GEMIN2: variants seen among roughly 807,000 people sequenced by gnomAD.
GEMIN2 encodes gem-associated protein 2.
GEMIN2 carries 37 observed loss-of-function variants against 45.8 expected under a neutral mutation model. The observed-to-expected ratio is 0.81, with a 90% CI of 0.62 to 1.06. The LOEUF (loss-of-function observed/expected upper bound fraction) is 1.06. Among genes scored for constraint, GEMIN2 ranks in the 50% least tolerant of loss-of-function variants. The pLI is 0.00. For synonymous variants in GEMIN2, 101 were observed against 111.5 expected (o/e 0.91, Z 0.60); for missense variants, 335 against 321.8 (o/e 1.04, Z -0.31).
intron 4 of GEMIN2, 72 bp downstream of exon 4, chr14:39,118,671 G>C (rs929488745): frequency 2.9e-6 from 2 of 685,286 alleles, no homozygotes. Context: ...ACTTCCAGTC[G>C]TTAAAGATTC....
chr14:39,136,082 G>C (rs2052778038), intron 9 of GEMIN2, among the ~76,000 whole-genome samples: 1 of 152,112 alleles, frequency 6.6e-6, no homozygotes, highest in Non-Finnish European at 1.5e-5. Context: ...GACAGAGTGA[G>C]ACCTTGTCTC....
rs1426490544 is a variant in GEMIN2 at position 39,136,629 on chromosome 14, C to T, written c.*150C>T. ...AACCTGTGCAATTCAGATTGATACT[C>T]AGAATATGGGTTGATTTGAATATCT... is the stretch of plus-strand genomic sequence containing the variant. On this transcript the variant is annotated 3_prime_UTR_variant, in exon 10 of 10. Coordinates refer to ENST00000308317, the MANE Select transcript of GEMIN2 (RefSeq NM_003616.3). 1.3e-5 allele frequency: 8 copies of T among 618,774 alleles called. No individual in the cohort carries two copies. The highest frequency in any genetic ancestry group is 2.0e-5 in the Non-Finnish European group (7 of 350,096). The allele number at this position is 618,774 out of a possible 1,614,324, so 38.3% of individuals were successfully genotyped here. A position where few individuals can be genotyped will look rare whatever the true frequency, so the allele number is the denominator to read the frequency against.
intron 4 of GEMIN2, among the ~76,000 whole-genome samples, chr14:39,120,010 T>G (rs1007872078): frequency 2.0e-5 from 3 of 152,122 alleles, no homozygotes. Flanking sequence ...GGTAGGTAAA[T>G]ATATTTTTTT....
Position 39,128,334 on chromosome 14 carries a change from T to C in GEMIN2, c.586T>C (p.Phe196Leu). 4 of 1,563,350 alleles carry C rather than the reference T, an allele frequency of 2.6e-6. No individual in the cohort carries two copies. Among genetic ancestry groups the C allele is most frequent in the Non-Finnish European group, 3.5e-6 (4 of 1,139,982 alleles). Residue 196 changes from phenylalanine to leucine, a missense_variant, in exon 7 of 10, where the codon TTT becomes CTT. Coordinates refer to ENST00000308317, the MANE Select transcript of GEMIN2 (RefSeq NM_003616.3). ...GAGTAATTGGTTTGGAGAAAGAGAC[T>C]TTACTCCAGAATTGGTAGTATTGCA... ...YLSNWFGERD[F>L]TPELGRWLYA...
In GEMIN2 at chr14:39,117,538, C is replaced by A. The variant is rs145229249; in HGVS notation, c.223-461C>A. On this transcript the variant is annotated intron_variant, in intron 2 of 9. Transcript: ENST00000308317. ...TTTCTTTTGGGAACATTCAAATCTT[C>A]TAGCTGTTTTGAAATATACAATAAA... Among the ~76,000 whole-genome samples the A allele has an allele frequency of 4.0e-3, 606 of 152,230 alleles. 4 individuals carry two copies. Among genetic ancestry groups the A allele is most frequent in the African/African-American group, 0.013 (523 of 41,556 alleles).
In GEMIN2 at chr14:39,128,277, T is replaced by C. The variant is rs1566535196; in HGVS notation, c.532-3T>C. ...CTTCTCCACCCCCTCTTTTTTTTTT[T>C]AGGCAACAGTAACTAGTGTCTTGGA... On this transcript the variant is annotated splice_region_variant and splice_polypyrimidine_tract_variant and intron_variant, in intron 6 of 9. Transcript: ENST00000308317. The C allele has an allele frequency of 6.6e-7, 1 of 1,517,406 alleles. No individual in the cohort carries two copies. The highest frequency in any genetic ancestry group is 1.2e-5 in the South Asian group (1 of 85,544). The allele number at this position is 1,517,406 out of a possible 1,614,324, so 94.0% of individuals were successfully genotyped here.
rs1018770550 is a variant in GEMIN2 at position 39,132,155 on chromosome 14, A to G, written c.711+87A>G. 3.2e-5 allele frequency: 23 copies of G among 719,896 alleles called. No individual in the cohort carries two copies. The African/African-American group carries it at 3.7e-4, about 12-fold the overall frequency. 44.6% of individuals were successfully genotyped at this position (719,896 alleles called of 1,614,324 possible). A position where few individuals can be genotyped will look rare whatever the true frequency, so the allele number is the denominator to read the frequency against. ...GGAGTTCAGTGAAATAGGAAAACACATGGAATATTTTATTGGTGGCAATTA... is the reference window on the plus strand; with the variant it reads ...GGAGTTCAGTGAAATAGGAAAACACGTGGAATATTTTATTGGTGGCAATTA... On this transcript the variant is annotated intron_variant, in intron 8 of 9. Transcript: ENST00000308317.
chr14:39,126,338 C>T (rs1206126640), intron 6 of GEMIN2, among the ~76,000 whole-genome samples: 2 of 151,986 alleles, frequency 1.3e-5, no homozygotes, highest in East Asian at 3.9e-4. Context: ...GCTACCATGC[C>T]TGGCTAATTT....
chr14:39,118,361 T>C (rs1482081921), intron 3 of GEMIN2, among the ~76,000 whole-genome samples, 179 bp from the exon 4 acceptor site: 1 of 152,218 alleles, frequency 6.6e-6, no homozygotes. Context: ...TTCTGAGATT[T>C]TGGTGCACTT....
chr14:39,135,586 C>CA (rs1328044265), intron 9 of GEMIN2, among the ~76,000 whole-genome samples: 148 of 121,824 alleles, frequency 1.2e-3, no homozygotes, highest in African/African-American at 3.7e-3. Context: ...AACTCCATCT[C>CA]AAAAAAAAAA....
chr14:39,124,896 C>G, intron 5 of GEMIN2, 96 bp from the exon 6 acceptor site: 1 of 666,586 alleles, frequency 1.5e-6, no homozygotes, highest in South Asian at 1.9e-5. Flanking sequence ...TTCTTTGTTT[C>G]TAAACAACAG....
At chr14:39,122,399 G>C in intron 4 of GEMIN2, 31 bp from the exon 5 acceptor site, 1 of 1,095,144 alleles carries the variant, frequency 9.1e-7, no homozygotes, top group Non-Finnish European at 1.4e-6. Flanking sequence ...TAATACACAG[G>C]AATAAATCAG....
At chr14:39,125,200 T>C (rs952900008) in intron 6 of GEMIN2, among the ~76,000 whole-genome samples, 164 bp downstream of exon 6, 3 of 152,216 alleles carry the variant, frequency 2.0e-5, no homozygotes, top group Non-Finnish European at 4.4e-5. Flanking sequence ...TGGAGAGTTA[T>C]TATTGATAAC....
chr14:39,128,414 C>A (rs1007685420), intron 7 of GEMIN2, 66 bp downstream of exon 7: 2 of 787,108 alleles, frequency 2.5e-6, no homozygotes, highest in African/African-American at 1.7e-5. Context: ...CAACTGTGGG[C>A]CACATATACA....
chr14:39,122,425 T>C lies in GEMIN2; in HGVS notation c.373-5T>C. 2 of 1,465,016 alleles carry C rather than the reference T, an allele frequency of 1.4e-6. No homozygotes were observed. The highest frequency in any genetic ancestry group is 1.9e-6 in the Non-Finnish European group (2 of 1,057,534). 90.8% of individuals were successfully genotyped at this position (1,465,016 alleles called of 1,614,324 possible). On this transcript the variant is annotated splice_region_variant and splice_polypyrimidine_tract_variant and intron_variant, in intron 4 of 9. Coordinates refer to ENST00000308317, the MANE Select transcript of GEMIN2 (RefSeq NM_003616.3). ...AATAAATCAGTTTTTTTTTTTTTCTTTTAGCCAAAATCTGAAGATGAAGAA... is the reference window on the plus strand; with the variant it reads ...AATAAATCAGTTTTTTTTTTTTTCTCTTAGCCAAAATCTGAAGATGAAGAA...
chr14:39,124,898 AAAC>A, intron 5 of GEMIN2, 91 bp from the exon 6 acceptor site: 1 of 683,822 alleles, frequency 1.5e-6, no homozygotes, highest in Non-Finnish European at 2.6e-6. Context: ...CTTTGTTTCT[AAAC>A]AACAGTGTGG....
At chr14:39,133,515 T>G in intron 8 of GEMIN2, 146 bp from the exon 9 acceptor site, 1 of 412,248 alleles carries the variant, frequency 2.4e-6, no homozygotes, top group Non-Finnish European at 4.3e-6. Flanking sequence ...AGTTCTCTGC[T>G]TTTTCTTTGA....
chr14:39,136,445 TTGACCA>T lies in GEMIN2; in HGVS notation c.777_782del (p.Phe259_Gln261delinsLeu). 1 of 1,551,812 alleles carries T rather than the reference TTGACCA, an allele frequency of 6.4e-7. No individual in the cohort carries two copies. The highest frequency in any genetic ancestry group is 8.9e-7 in the Non-Finnish European group (1 of 1,124,402). Reference sequence around the variant, plus strand: ...TTTTGTTTTTTTTTTACTAGGTATTTTGACCAACGTGATTTAGCTGATGAGCCATCT... The same window carrying T: ...TTTTGTTTTTTTTTTACTAGGTATTTACGTGATTTAGCTGATGAGCCATCT... On this transcript the variant is annotated inframe_deletion, in exon 10 of 10. Coordinates refer to ENST00000308317, the MANE Select transcript of GEMIN2 (RefSeq NM_003616.3).
chr14:39,123,961 T>C lies in GEMIN2; in HGVS notation c.487-1031T>C, dbSNP rs531039572. Among the ~76,000 whole-genome samples the C allele has an allele frequency of 5.3e-5, 8 of 150,596 alleles. No individual in the cohort carries two copies. In the South Asian group the frequency reaches 1.7e-3, roughly 32 times the overall value. The stretch of plus-strand genomic sequence containing the variant: ...TTTTTGTAGAGAGAAGTTTTCACCA[T>C]GTTGCAAGGTTGGCCTGAAACTCCT... On this transcript the variant is annotated intron_variant, in intron 5 of 9. Transcript: ENST00000308317.
Sources: gnomAD v4.1 joint callset for allele counts (sites outside exome capture counted in the v4.1 genomes callset) on GRCh38, gnomAD v4.1.1 for gene constraint, MANE v1.5 for transcripts, NCBI Gene and HGNC (gene_info 2026-07-23, HGNC 2026-07-21) for gene names.